Variants in NCAPD3 observed in about 807,000 individuals in gnomAD.
NCAPD3 encodes non-SMC condensin II complex subunit D3.
In NCAPD3, 105 loss-of-function variants were observed where a neutral mutation model predicts 182.9. That is an observed-to-expected ratio of 0.57 (90% CI 0.49 to 0.68). The LOEUF is 0.68. Among genes scored for constraint, NCAPD3 ranks in the 30% least tolerant of loss-of-function variants. The pLI is 0.00. For synonymous variants in NCAPD3, 815 were observed against 679.9 expected, an observed-to-expected ratio of 1.20 and a Z score of -3.09; for missense variants, 1,944 against 1,837.0, an observed-to-expected ratio of 1.06 and a Z score of -1.07.
chr11:134,160,148 C>A, intron 28 of NCAPD3, 74 bp from the exon 29 acceptor site: 1 of 1,484,454 alleles, frequency 6.7e-7, no homozygotes. Context: ...CCACGACACA[C>A]CTTCGCCTGT....
intron 32 of NCAPD3, among the ~76,000 whole-genome samples, chr11:134,155,228 C>G (rs944631630): frequency 1.3e-5 from 2 of 152,136 alleles, no homozygotes; most frequent in African/African-American, 4.8e-5. Context: ...TGAATTGGTG[C>G]TGAACTGGGT....
Position 134,158,007 on chromosome 11 carries a change from C to T in NCAPD3, c.4095G>A (p.Lys1365=), listed in dbSNP as rs200829797. ...CTAAGCTCCGACTCCGATGCCTGCT[C>T]TTTGACTCCACGGCTTTCTTGACAG... ...LNSVKKAVES[K]SRHRSRSLGV... The change falls in exon 31 of 35, where the codon AAG becomes AAA. Residue 1365 remains lysine, a synonymous_variant. Transcript: ENST00000534548. 2 of 1,614,116 alleles carry T rather than the reference C, an allele frequency of 1.2e-6. No homozygotes were observed. The highest frequency in any genetic ancestry group is 2.7e-5 in the African/African-American group (2 of 74,952).
chr11:134,223,259 T>A, intron 1 of NCAPD3: 1 of 590,972 alleles, frequency 1.7e-6, no homozygotes, highest in Non-Finnish European at 3.0e-6. Context: ...AAAATACTCC[T>A]GCAATTGCTC....
In NCAPD3 at chr11:134,184,748, A is replaced by G. The variant is rs931037776; in HGVS notation, c.2340T>C (p.Ala780=). The G allele has an allele frequency of 3.7e-6, 6 of 1,612,482 alleles. No individual in the cohort carries two copies. In the African/African-American group the frequency reaches 8.0e-5, roughly 22 times the overall value. ...GAAATCCATTCAGCTTACACTTGACAGCATCTATGAAGGAAGTCAAAACCC... is the reference window on the plus strand; with the variant it reads ...GAAATCCATTCAGCTTACACTTGACGGCATCTATGAAGGAAGTCAAAACCC... ...PKSTRDKVTD[A]VKCKLNGFQW... Residue 780 remains alanine, a synonymous_variant, in exon 19 of 35, where the codon GCT becomes GCC. Coordinates refer to ENST00000534548, the MANE Select transcript of NCAPD3 (RefSeq NM_015261.3).
chr11:134,218,529 G>A (rs976114110), intron 2 of NCAPD3, among the ~76,000 whole-genome samples: 1 of 152,172 alleles, frequency 6.6e-6, no homozygotes, highest in African/African-American at 2.4e-5. Flanking sequence ...AAACAGAACT[G>A]TTTCTCCATT....
At chr11:134,189,926 T>C (rs1317340974) in intron 16 of NCAPD3, among the ~76,000 whole-genome samples, 1 of 152,248 alleles carries the variant, frequency 6.6e-6, no homozygotes. Context: ...AATTTTATTT[T>C]AGGTGTGGCT....
rs73042030 is a variant in NCAPD3, at chr11:134,164,469, G to A, written c.3574-2578C>T. On this transcript the variant is annotated intron_variant, in intron 27 of 34. Coordinates refer to ENST00000534548, the MANE Select transcript of NCAPD3 (RefSeq NM_015261.3). The stretch of plus-strand genomic sequence containing the variant: ...AAGAGTTAAAGCCATCAGTAAGAAA[G>A]AAGTCAGCACCAGAGCATGGCACCA... 3.3e-3 allele frequency among the ~76,000 whole-genome samples: 498 copies of A among 152,380 alleles called. 3 individuals are homozygous for A. The highest frequency in any genetic ancestry group is 9.9e-3 in the African/African-American group (412 of 41,588).
At chr11:134,205,879 C>T (rs767882784) in intron 8 of NCAPD3, among the ~76,000 whole-genome samples, 4 of 152,164 alleles carry the variant, frequency 2.6e-5, no homozygotes, top group African/African-American at 4.8e-5. Flanking sequence ...CACAAGATGA[C>T]GTCATACACA....
At chr11:134,215,414 C>T in intron 3 of NCAPD3, among the ~76,000 whole-genome samples, 1 of 152,118 alleles carries the variant, frequency 6.6e-6, no homozygotes, top group Non-Finnish European at 1.5e-5. Flanking sequence ...TGATCTTACA[C>T]AAAGAAAACC....
intron 32 of NCAPD3, among the ~76,000 whole-genome samples, chr11:134,155,469 A>C (rs929205618): frequency 1.3e-5 from 2 of 152,240 alleles, no homozygotes; most frequent in African/African-American, 4.8e-5. Context: ...TATTATGTCC[A>C]AGAGCCTGGA....
intron 20 of NCAPD3, among the ~76,000 whole-genome samples, chr11:134,179,828 A>G (rs893495273): frequency 1.3e-5 from 2 of 152,202 alleles, no homozygotes; most frequent in Admixed American, 6.5e-5. Context: ...TGTCAAATAA[A>G]AGCTTATTCT....
chr11:134,164,074 G>C (rs1299937429), intron 27 of NCAPD3, among the ~76,000 whole-genome samples: 1 of 152,100 alleles, frequency 6.6e-6, no homozygotes, highest in Non-Finnish European at 1.5e-5. Context: ...TATGATCAGA[G>C]TCTATATCCT....
chr11:134,165,899 G>A (rs558104238), intron 27 of NCAPD3, among the ~76,000 whole-genome samples: 18 of 124,940 alleles, frequency 1.4e-4, no homozygotes, highest in African/African-American at 5.0e-4. Context: ...TGGGGGAGGG[G>A]CACACTCACT....
chr11:134,209,576 C>A, intron 4 of NCAPD3, 99 bp from the exon 5 acceptor site: 4 of 1,155,932 alleles, frequency 3.5e-6, no homozygotes, highest in South Asian at 1.5e-5. Flanking sequence ...AAACTCCAGG[C>A]AGGAGCTGAT....
intron 2 of NCAPD3, among the ~76,000 whole-genome samples, chr11:134,219,787 T>G (rs2136033171): frequency 6.6e-6 from 1 of 152,226 alleles, no homozygotes; most frequent in East Asian, 1.9e-4. Flanking sequence ...ATTCCTCAGT[T>G]TAATAATATC....
rs1171350618 is a variant in NCAPD3 at position 134,223,866 on chromosome 11, G to C, written c.61C>G (p.Leu21Val). 1 of 1,612,620 alleles carries C rather than the reference G, an allele frequency of 6.2e-7. No homozygotes were observed. The highest frequency in any genetic ancestry group is 1.1e-5 in the South Asian group (1 of 90,980). The change falls in exon 1 of 35, where the codon CTC becomes GTC. Residue 21 changes from leucine (L) to valine (V), a missense_variant. Leu to Val is a conservative substitution (Grantham distance 32). Transcript: ENST00000534548. ...CCTCCCGGCTGCATCTGCTCACCGA[G>C]TCTAAGATCCAGCGGACACCAGGGC... is the stretch of plus-strand genomic sequence containing the variant. ...LQPWCPLDLRLEWVDTVWELD... is the reference protein window; with the variant it reads ...LQPWCPLDLRVEWVDTVWELD...
In NCAPD3 at chr11:134,216,923, C is replaced by A; in HGVS notation, c.382+13G>T. 6.3e-7 allele frequency: 1 copy of A among 1,588,870 alleles called. No homozygotes were observed. The highest frequency in any genetic ancestry group is 1.2e-5 in the South Asian group (1 of 86,358). On this transcript the variant is annotated intron_variant, in intron 3 of 34. Coordinates refer to ENST00000534548, the MANE Select transcript of NCAPD3 (RefSeq NM_015261.3). ...TGACAGAAGATTTATCCTATCATATCAGGTCTACATACCTGGTACTTCTAG... is the reference window on the plus strand; with the variant it reads ...TGACAGAAGATTTATCCTATCATATAAGGTCTACATACCTGGTACTTCTAG...
At chr11:134,169,736 A>T (rs1428457789) in intron 24 of NCAPD3, among the ~76,000 whole-genome samples, 1 of 152,228 alleles carries the variant, frequency 6.6e-6, no homozygotes, top group Non-Finnish European at 1.5e-5. Flanking sequence ...AGATGTAAAC[A>T]GGCAAACTGT....
chr11:134,211,940 A>G (rs1937849166), intron 3 of NCAPD3, among the ~76,000 whole-genome samples: 1 of 152,204 alleles, frequency 6.6e-6, no homozygotes, highest in African/African-American at 2.4e-5. Flanking sequence ...TTTGGAGAAA[A>G]AGTCACTAAA....
Sources: allele counts gnomAD v4.1 joint callset (sites outside exome capture counted in the v4.1 genomes callset), GRCh38; gene constraint gnomAD v4.1.1; transcripts MANE v1.5; gene names NCBI Gene and HGNC (gene_info 2026-07-23, HGNC 2026-07-21).